Variants in GABRA5 observed in about 807,000 individuals in gnomAD.
GABRA5 encodes the protein gamma-aminobutyric acid receptor subunit alpha-5.
GABRA5 carries 18 observed loss-of-function variants against 47.3 expected under a neutral mutation model. The ratio of observed to expected loss-of-function variants is 0.38; its 90% CI spans 0.26 to 0.56. GABRA5 has a LOEUF of 0.56. GABRA5 is among the 20% of genes least tolerant of loss of function. GABRA5 has a pLI of 0.71. For synonymous variants in GABRA5, 237 were observed against 229.3 expected (o/e 1.03, Z -0.30); for missense variants, 365 against 599.3 (o/e 0.61, Z 4.08).
At position 26,869,200 on chromosome 15, in the gene GABRA5, A is replaced by G. The variant is rs2140239436; in HGVS notation, c.-49A>G. ...CTTCAAGAACAAGCTGGAGAAGGGA[A>G]GAGTTATTCCTCCATATTCACCTGC... On this transcript the variant is annotated 5_prime_UTR_variant, in exon 3 of 11. Transcript: ENST00000335625. 1 of 1,093,172 alleles carries G rather than the reference A, an allele frequency of 9.1e-7. No individual in the cohort carries two copies. The highest frequency in any genetic ancestry group is 2.0e-4 in the Middle Eastern group (1 of 5,034). The allele number at this position is 1,093,172 out of a possible 1,614,324, so 67.7% of individuals were successfully genotyped here. A position where few individuals can be genotyped will look rare whatever the true frequency, so the allele number is the denominator to read the frequency against.
intron 7 of GABRA5, among the ~76,000 whole-genome samples, chr15:26,922,444 A>G (rs1893865359): frequency 6.6e-6 from 1 of 152,068 alleles, no homozygotes; most frequent in South Asian, 2.1e-4. Flanking sequence ...TTTTACTTTC[A>G]GCCTCTATAT....
chr15:26,915,712 G>A (rs987137606), intron 7 of GABRA5, among the ~76,000 whole-genome samples: 6 of 152,114 alleles, frequency 3.9e-5, no homozygotes, highest in African/African-American at 1.4e-4. Context: ...CTTCACTTGT[G>A]CACATGCTAT....
chr15:26,873,497 G>GA lies in GABRA5; in HGVS notation c.86+4165dup, dbSNP rs1216067339. ...CAGCAATTAAAAGTAGGTTATTGGA[G>GA]AAGTGGCTTTTGAACATGAACAGAC... On this transcript the variant is annotated intron_variant, in intron 3 of 10. Transcript: ENST00000335625. 2.6e-5 allele frequency among the ~76,000 whole-genome samples: 4 copies of GA among 152,330 alleles called. No individual in the cohort carries two copies. In the East Asian group the frequency reaches 7.7e-4, roughly 29 times the overall value.
chr15:26,947,818 C>T (rs1484681542), intron 10 of GABRA5, 116 bp from the exon 11 acceptor site: 4 of 900,222 alleles, frequency 4.4e-6, no homozygotes, highest in Non-Finnish European at 5.0e-6. Flanking sequence ...GAGGAGGGCC[C>T]TCTCCCAGGC....
chr15:26,872,473 A>G (rs1253512363), intron 3 of GABRA5, among the ~76,000 whole-genome samples: 1 of 152,138 alleles, frequency 6.6e-6, no homozygotes, highest in Non-Finnish European at 1.5e-5. Context: ...GGATCAAACC[A>G]GTCTAGACAA....
chr15:26,935,662 G>A (rs893427265), intron 7 of GABRA5, among the ~76,000 whole-genome samples: 1 of 152,208 alleles, frequency 6.6e-6, no homozygotes, highest in East Asian at 1.9e-4. Flanking sequence ...CACACTTCAC[G>A]AATCCCATCG....
intron 6 of GABRA5, among the ~76,000 whole-genome samples, chr15:26,899,938 A>G (rs1050400141): frequency 1.3e-5 from 2 of 151,916 alleles, no homozygotes; most frequent in Admixed American, 6.6e-5. Context: ...TTTGCTTTCT[A>G]TATTGCTTAT....
intron 9 of GABRA5, among the ~76,000 whole-genome samples, chr15:26,941,020 A>C (rs1395003158): frequency 6.6e-6 from 1 of 152,216 alleles, no homozygotes. Context: ...ATTAGCGTGC[A>C]TTTTATCTTA....
chr15:26,882,830 C>T (rs1892766465), intron 4 of GABRA5, among the ~76,000 whole-genome samples: 1 of 152,132 alleles, frequency 6.6e-6, no homozygotes, highest in South Asian at 2.1e-4. Context: ...ATCATTGCTC[C>T]AGGTTTACAG....
intron 7 of GABRA5, among the ~76,000 whole-genome samples, chr15:26,915,738 TG>T (rs1366790055): frequency 6.6e-6 from 1 of 152,204 alleles, no homozygotes; most frequent in Admixed American, 6.5e-5. Context: ...GTTTTCACTT[TG>T]AAAGCAGAAT....
chr15:26,921,149 G>A (rs918214136), intron 7 of GABRA5, among the ~76,000 whole-genome samples: 4 of 152,006 alleles, frequency 2.6e-5, no homozygotes, highest in African/African-American at 9.7e-5. Context: ...CATAAAGTGG[G>A]AAGTATTCCC....
At chr15:26,877,400 A>G (rs1892625310) in intron 3 of GABRA5, among the ~76,000 whole-genome samples, 1 of 152,232 alleles carries the variant, frequency 6.6e-6, no homozygotes, top group South Asian at 2.1e-4. Context: ...CCTGAAAGTA[A>G]CAGACAAATA....
intron 6 of GABRA5, among the ~76,000 whole-genome samples, chr15:26,901,264 C>G (rs759861286): frequency 6.6e-6 from 1 of 152,176 alleles, no homozygotes; most frequent in Non-Finnish European, 1.5e-5. Context: ...AACCAATTTG[C>G]ATTCACGTCA....
intron 6 of GABRA5, among the ~76,000 whole-genome samples, chr15:26,891,708 C>T (rs532215882): frequency 6.6e-6 from 1 of 152,274 alleles, no homozygotes; most frequent in African/African-American, 2.4e-5. Context: ...TTGCTCAGAG[C>T]CAGGGAGGCT....
chr15:26,896,081 G>A (rs1893186204), intron 6 of GABRA5, among the ~76,000 whole-genome samples: 1 of 152,070 alleles, frequency 6.6e-6, no homozygotes, highest in African/African-American at 2.4e-5. Flanking sequence ...TTCCCTTGCT[G>A]GGCAACCGCT....
intron 7 of GABRA5, among the ~76,000 whole-genome samples, chr15:26,933,293 T>C (rs1016000635): frequency 2.0e-5 from 3 of 152,100 alleles, no homozygotes; most frequent in Admixed American, 1.3e-4. Flanking sequence ...AGGGACGTAA[T>C]TCAAAGACAG....
At chr15:26,899,260 C>T (rs899979435) in intron 6 of GABRA5, among the ~76,000 whole-genome samples, 3 of 152,138 alleles carry the variant, frequency 2.0e-5, no homozygotes, top group African/African-American at 4.8e-5. Context: ...TTTCAATTTT[C>T]CTTCTGTTAC....
At chr15:26,910,070 G>GTTT (rs5811464) in intron 6 of GABRA5, among the ~76,000 whole-genome samples, 45 of 151,094 alleles carry the variant, frequency 3.0e-4, no homozygotes, top group Non-Finnish European at 2.5e-4. Context: ...TGAAATAAAT[G>GTTT]TTTTTTTTTC....
At chr15:26,898,534 C>T (rs1218729621) in intron 6 of GABRA5, among the ~76,000 whole-genome samples, 1 of 152,134 alleles carries the variant, frequency 6.6e-6, no homozygotes, top group Non-Finnish European at 1.5e-5. Context: ...AAGAGGAGAT[C>T]CAGCGATTGA....
Sources: gnomAD v4.1 joint callset for allele counts (sites outside exome capture counted in the v4.1 genomes callset) on GRCh38, gnomAD v4.1.1 for gene constraint, MANE v1.5 for transcripts, NCBI Gene and HGNC (gene_info 2026-07-23, HGNC 2026-07-21) for gene names.